Variants in GPAM observed in about 807,000 individuals in gnomAD.
GPAM encodes glycerol-3-phosphate acyltransferase, mitochondrial.
Under a neutral mutation model 105.0 loss-of-function variants are expected in GPAM, and 56 were observed. The observed-to-expected ratio is 0.53, with a 90% CI of 0.43 to 0.67. The LOEUF (loss-of-function observed/expected upper bound fraction) is 0.67. GPAM is among the 30% of genes least tolerant of loss of function. The pLI is 0.00. For missense variants in GPAM, 855 were observed against 989.8 expected (o/e 0.86, Z 1.83); for synonymous variants, 368 against 354.4 (o/e 1.04, Z -0.43).
chr10:112,214,597 A>G (rs1564693217), intron 1 of GPAM, among the ~76,000 whole-genome samples: 1 of 152,220 alleles, frequency 6.6e-6, no homozygotes, highest in Admixed American at 6.5e-5. Flanking sequence ...AGTGGGGATA[A>G]GAATGAATAT....
chr10:112,161,366 A>G (rs1847120132), intron 15 of GPAM, among the ~76,000 whole-genome samples: 2 of 152,188 alleles, frequency 1.3e-5, no homozygotes, highest in South Asian at 4.1e-4. Context: ...TTTGGAAAGC[A>G]TTTGCTTTCA....
chr10:112,168,632 T>C, intron 10 of GPAM, 108 bp from the exon 11 acceptor site: 2 of 798,584 alleles, frequency 2.5e-6, no homozygotes, highest in African/African-American at 1.7e-5. Context: ...ATAACTTCAC[T>C]ACTGACAAAG....
upstream of GPAM, among the ~76,000 whole-genome samples, chr10:112,185,571 G>GACACACAC (rs55812271): frequency 4.9e-5 from 7 of 143,692 alleles, no homozygotes; most frequent in African/African-American, 1.6e-4. Flanking sequence ...CACACACACA[G>GACACACAC]ACACACACAC....
chr10:112,156,983 T>G (rs1004322308), intron 19 of GPAM: 1 of 599,878 alleles, frequency 1.7e-6, no homozygotes, highest in Non-Finnish European at 3.0e-6. Flanking sequence ...TAAACAGGTA[T>G]GCACCTGTGT....
chr10:112,167,581 C>T (rs889277742), intron 11 of GPAM, among the ~76,000 whole-genome samples: 1 of 152,220 alleles, frequency 6.6e-6, no homozygotes, highest in Non-Finnish European at 1.5e-5. Context: ...ATCTCACAAA[C>T]ACCTGCTTAA....
At chr10:112,185,893 T>C (rs1847590896), upstream of GPAM, among the ~76,000 whole-genome samples, 2 of 152,154 alleles carry the variant, frequency 1.3e-5, no homozygotes, top group African/African-American at 2.4e-5. Flanking sequence ...GAGCCTAGTA[T>C]ACATGCAATT....
intron 12 of GPAM, among the ~76,000 whole-genome samples, chr10:112,165,616 G>C (rs577557720): frequency 6.6e-6 from 1 of 152,074 alleles, no homozygotes; most frequent in African/African-American, 2.4e-5. Context: ...CTTGAACCTA[G>C]GGGGCAGAGG....
the GPAM span, among the ~76,000 whole-genome samples, chr10:112,220,853 T>TACACACACACACACAC: frequency 6.9e-6 from 1 of 145,920 alleles, no homozygotes; most frequent in African/African-American, 2.5e-5. Context: ...AGATCTCAAA[T>TACACACACACACACAC]ACACACACAC....
chr10:112,217,430 C>A (rs747482209), upstream of GPAM, among the ~76,000 whole-genome samples: 1 of 150,648 alleles, frequency 6.6e-6, no homozygotes, highest in Non-Finnish European at 1.5e-5. Flanking sequence ...GTGGTTTCCA[C>A]GTTTTGTTTG....
Position 112,149,983 on chromosome 10 carries a change from T to G in GPAM, c.*3567A>C. On this transcript the variant is annotated 3_prime_UTR_variant, in exon 22 of 22. Coordinates refer to ENST00000348367, the MANE Select transcript of GPAM (RefSeq NM_001244949.2). ...TATGTTTTGCTCACAAAATCGCAGT[T>G]ATTTCACAGTACCTTATAGTAATTC... The G allele has an allele frequency of 2.0e-6, 2 of 984,924 alleles. No individual in the cohort carries two copies. Among genetic ancestry groups the G allele is most frequent in the Non-Finnish European group, 2.4e-6 (2 of 829,052 alleles). The allele number at this position is 984,924 out of a possible 1,614,324, so 61.0% of individuals were successfully genotyped here.
Position 112,160,822 on chromosome 10 carries a change from T to C in GPAM, c.1541A>G (p.Glu514Gly), listed in dbSNP as rs1480550457. ...GTCAAAATCACGAGCCAGGACTTCC[T>C]CTTTCATCACAAAGAAGTCTTCGAC... is the stretch of plus-strand genomic sequence containing the variant. Reference protein sequence around the residue: ...TLVEDFFVMKEEVLARDFDLG... With the variant: ...TLVEDFFVMKGEVLARDFDLG... The change falls in exon 16 of 22, where the codon GAG (glutamate) becomes GGG (glycine). Residue 514 changes from glutamate (E) to glycine (G), a missense_variant. Coordinates refer to ENST00000348367, the MANE Select transcript of GPAM (RefSeq NM_001244949.2). 1 of 1,613,682 alleles carries C rather than the reference T, an allele frequency of 6.2e-7. No individual in the cohort carries two copies. The highest frequency in any genetic ancestry group is 8.5e-7 in the Non-Finnish European group (1 of 1,179,702).
chr10:112,165,793 G>A (rs1847205475), intron 12 of GPAM, among the ~76,000 whole-genome samples: 2 of 152,038 alleles, frequency 1.3e-5, no homozygotes, highest in Admixed American at 1.3e-4. Context: ...AAAGGCACAT[G>A]CAAGATTCCC....
chr10:112,159,983 G>C lies in GPAM; in HGVS notation c.1830C>G (p.Ile610Met), dbSNP rs147826271. ...CCTTCCGCACCAGCTGCTCCTGGCT[G>C]ATCAGGTTAGGTGGGGTGCTAGTGG... ...GGPTSTPPNL[I>M]SQEQLVRKAA... The change falls in exon 17 of 22, where the codon ATC becomes ATG. Residue 610 changes from isoleucine to methionine, a missense_variant. Ile to Met is a conservative substitution (Grantham distance 10). Coordinates refer to ENST00000348367, the MANE Select transcript of GPAM (RefSeq NM_001244949.2). 4.8e-5 allele frequency: 78 copies of C among 1,613,802 alleles called. No homozygotes were observed. The highest frequency in any genetic ancestry group is 6.2e-5 in the Non-Finnish European group (73 of 1,179,822).
At position 112,160,028 on chromosome 10, in the gene GPAM, G is replaced by A. The variant is rs908983850; in HGVS notation, c.1785C>T (p.Asn595=). ...TAGTGGGACCCCCCAGTCCCCTCTTGTTCAGAACTGCATAAAGGCTGCAAG... is the reference window on the plus strand; with the variant it reads ...TAGTGGGACCCCCCAGTCCCCTCTTATTCAGAACTGCATAAAGGCTGCAAG... The part of the protein sequence containing the change: ...IIACSLYAVL[N]KRGLGGPTST... The change falls in exon 17 of 22, where the codon AAC becomes AAT. Residue 595 remains asparagine, a synonymous_variant. Transcript: ENST00000348367. The A allele has an allele frequency of 1.9e-6, 3 of 1,613,970 alleles. No individual in the cohort carries two copies. The highest frequency in any genetic ancestry group is 1.7e-5 in the Admixed American group (1 of 60,016).
chr10:112,173,035 T>C lies in GPAM; in HGVS notation c.592A>G (p.Asn198Asp). The change falls in exon 8 of 22, where the codon AAC becomes GAC. Residue 198 changes from asparagine (N) to aspartate (D), a missense_variant. Physicochemically the swap from Asn to Asp is conservative, Grantham distance 23. Transcript: ENST00000348367. ...LTGWVLLKLF[N>D]SFFWNIQIHK... ...ATTTGAATGTTCCAAAAGAAGCTGT[T>C]GAACAGTTTTAGCAGCACCCACCCA... The C allele has an allele frequency of 6.2e-7, 1 of 1,609,814 alleles. No homozygotes were observed. Among genetic ancestry groups the C allele is most frequent in the Non-Finnish European group, 8.5e-7 (1 of 1,176,156 alleles).
At chr10:112,177,702 C>A (rs1359126792) in intron 5 of GPAM, among the ~76,000 whole-genome samples, 1 of 152,078 alleles carries the variant, frequency 6.6e-6, no homozygotes, top group Non-Finnish European at 1.5e-5. Flanking sequence ...CAAATATTTC[C>A]CACATTTTGG....
rs144406723 is a variant in GPAM at position 112,181,405 on chromosome 10, A to C, written c.102+278T>G. Among the ~76,000 whole-genome samples the C allele has an allele frequency of 7.8e-3, 1,192 of 152,272 alleles. 3 individuals carry two copies. The highest frequency in any genetic ancestry group is 0.02 in the Middle Eastern group (6 of 294). On this transcript the variant is annotated intron_variant, in intron 3 of 21. Transcript: ENST00000348367. ...ACATACCAAGAGAAAGAAAGAAAAA[A>C]AAATTTCTTACCGACCCAAAACTAC...
rs892643690 is a variant in GPAM at position 112,172,963 on chromosome 10, T to G, written c.657+7A>C. ...AAATGGGGTAATAGATTCACAGAAA[T>G]TCTTGCCTCAGTTGCAGCTTTAACC... On this transcript the variant is annotated splice_region_variant and intron_variant, in intron 8 of 21. Transcript: ENST00000348367. The G allele has an allele frequency of 1.3e-5, 19 of 1,457,402 alleles. No homozygotes were observed. Among genetic ancestry groups the G allele is most frequent in the Non-Finnish European group, 1.8e-5 (19 of 1,036,976 alleles). 90.3% of individuals were successfully genotyped at this position (1,457,402 alleles called of 1,614,324 possible). A position where few individuals can be genotyped will look rare whatever the true frequency, so the allele number is the denominator to read the frequency against.
At chr10:112,199,722 A>T (rs1428979374) in intron 1 of GPAM, among the ~76,000 whole-genome samples, 1 of 152,184 alleles carries the variant, frequency 6.6e-6, no homozygotes, top group African/African-American at 2.4e-5. Flanking sequence ...TCATGATGGA[A>T]GGTAAATGAG....
Sources: allele counts gnomAD v4.1 joint callset (sites outside exome capture counted in the v4.1 genomes callset), GRCh38; gene constraint gnomAD v4.1.1; transcripts MANE v1.5; gene names NCBI Gene and HGNC (gene_info 2026-07-23, HGNC 2026-07-21).